Variants in TRAPPC9 observed in about 807,000 individuals in gnomAD.
The protein encoded by TRAPPC9 is IKK2 binding protein.
A neutral mutation model predicts 124.0 loss-of-function variants in TRAPPC9; 83 were observed. That is an observed-to-expected ratio of 0.67 (90% CI 0.56 to 0.80). The LOEUF (loss-of-function observed/expected upper bound fraction) is 0.80. Among genes scored for constraint, TRAPPC9 ranks in the 30% least tolerant of loss-of-function variants. The pLI is 0.00. For synonymous variants in TRAPPC9, 638 were observed against 617.5 expected, an observed-to-expected ratio of 1.03 and a Z score of -0.49; for missense variants, 1,302 against 1,508.3, an observed-to-expected ratio of 0.86 and a Z score of 2.27.
intron 21 of TRAPPC9, among the ~76,000 whole-genome samples, chr8:139,804,716 A>C (rs1823911140): frequency 2.1e-5 from 2 of 94,230 alleles, no homozygotes; most frequent in Admixed American, 1.2e-4. Flanking sequence ...ACCACCCACC[A>C]CCGGCACCAA....
At chr8:140,451,486 G>C in intron 1 of TRAPPC9, 103 bp from the exon 2 acceptor site, 2 of 985,384 alleles carry the variant, frequency 2.0e-6, no homozygotes, top group East Asian at 2.6e-5. Context: ...AGAGGCAGGG[G>C]AAGCCCCAAG....
At chr8:140,001,247 T>C (rs1838378079) in intron 18 of TRAPPC9, among the ~76,000 whole-genome samples, 1 of 151,590 alleles carries the variant, frequency 6.6e-6, no homozygotes, top group Non-Finnish European at 1.5e-5. Flanking sequence ...ACCAGGGGGG[T>C]GAGGGGCTGC....
At chr8:139,918,586 A>G (rs1049310211) in intron 19 of TRAPPC9, among the ~76,000 whole-genome samples, 3 of 152,204 alleles carry the variant, frequency 2.0e-5, no homozygotes, top group Non-Finnish European at 2.9e-5. Flanking sequence ...TTTAGGACTC[A>G]GCCAGACACC....
chr8:139,978,785 G>C (rs1836666607), intron 19 of TRAPPC9, among the ~76,000 whole-genome samples: 1 of 152,240 alleles, frequency 6.6e-6, no homozygotes, highest in South Asian at 2.1e-4. Flanking sequence ...CCTGAGGCGG[G>C]TGTGGCTGGG....
intron 10 of TRAPPC9, among the ~76,000 whole-genome samples, chr8:140,307,568 T>A (rs2066171804): frequency 1.3e-5 from 2 of 152,170 alleles, no homozygotes; most frequent in Non-Finnish European, 2.9e-5. Flanking sequence ...AGATATGGCA[T>A]ACACTGTTGG....
chr8:139,871,030 T>A (rs1041615617), intron 21 of TRAPPC9, among the ~76,000 whole-genome samples: 3 of 152,184 alleles, frequency 2.0e-5, no homozygotes, highest in South Asian at 2.1e-4. Context: ...ATCAGCTTTA[T>A]GATTTTCAAG....
chr8:140,352,594 G>A (rs530352367), intron 9 of TRAPPC9, among the ~76,000 whole-genome samples: 3 of 152,266 alleles, frequency 2.0e-5, no homozygotes, highest in African/African-American at 7.2e-5. Flanking sequence ...AGCATGCACT[G>A]AATCCCCGGT....
chr8:140,093,204 A>G (rs1844687363), intron 17 of TRAPPC9, among the ~76,000 whole-genome samples: 1 of 152,078 alleles, frequency 6.6e-6, no homozygotes, highest in South Asian at 2.1e-4. Context: ...CTTGACAGAG[A>G]TTCATGTTCT....
At chr8:140,183,862 A>G (rs7008566) in intron 17 of TRAPPC9, among the ~76,000 whole-genome samples, 45 of 30,620 alleles carry the variant, frequency 1.5e-3, no homozygotes, top group East Asian at 7.0e-3. Context: ...CAAAAAAAAA[A>G]AAGAAGAAGA....
At chr8:140,194,251 G>C (rs947557734) in intron 17 of TRAPPC9, among the ~76,000 whole-genome samples, 1 of 151,214 alleles carries the variant, frequency 6.6e-6, no homozygotes, top group Admixed American at 6.6e-5. Context: ...TCTCTCCCCA[G>C]CCCGCACCCC....
chr8:140,189,639 G>A (rs2062437037), intron 17 of TRAPPC9, among the ~76,000 whole-genome samples: 1 of 152,100 alleles, frequency 6.6e-6, no homozygotes, highest in Non-Finnish European at 1.5e-5. Flanking sequence ...TCTGGGTAGT[G>A]AGATTTTGGG....
intron 2 of TRAPPC9, among the ~76,000 whole-genome samples, chr8:140,439,527 T>TA (rs1211273539): frequency 2.0e-5 from 3 of 152,226 alleles, no homozygotes; most frequent in Non-Finnish European, 2.9e-5. Context: ...TTCAGCTTTT[T>TA]AAAAAAATCA....
chr8:140,321,334 G>A (rs1396344832), intron 9 of TRAPPC9, among the ~76,000 whole-genome samples: 2 of 152,180 alleles, frequency 1.3e-5, no homozygotes, highest in East Asian at 1.9e-4. Flanking sequence ...GCTCCCCCTC[G>A]CTTGTTCCCA....
chr8:140,025,318 T>A lies in TRAPPC9; in HGVS notation c.2557-1239A>T, dbSNP rs1000502745. Among the ~76,000 whole-genome samples, 4 of 152,316 alleles carry A rather than the reference T, an allele frequency of 2.6e-5. No homozygotes were observed. The East Asian group carries it at 7.7e-4, about 29-fold the overall frequency. On this transcript the variant is annotated intron_variant, in intron 17 of 22. Transcript: ENST00000438773. ...CAAATCTGACCACCGCCTGTTTTTG[T>A]GTGGCCTGAGAGCTAAGAACAGTTT...
At chr8:140,040,974 A>G (rs186600562) in intron 17 of TRAPPC9, 2 of 152,398 alleles carry the variant, frequency 1.3e-5, no homozygotes, top group African/African-American at 2.4e-5. Flanking sequence ...AGGTGGAAAC[A>G]TTTGATGCTG....
Position 139,732,196 on chromosome 8 carries a change from A to T in TRAPPC9, c.3062T>A (p.Leu1021Gln). The change falls in exon 22 of 23, where the codon CTG becomes CAG. Residue 1021 changes from leucine (L) to glutamine (Q), a missense_variant. Physicochemically the swap from Leu to Gln is moderately radical, Grantham distance 113. Coordinates refer to ENST00000438773, the MANE Select transcript of TRAPPC9 (RefSeq NM_001160372.4). ...GCGGTCACATGGCTGTCCGTCCACC[A>T]GCACATCTGTAAGGGACACGAGACT... ...LQLAPLQWDV[L>Q]VDGQPCDREA... 6.3e-7 allele frequency: 1 copy of T among 1,589,702 alleles called. No homozygotes were observed. The highest frequency in any genetic ancestry group is 8.5e-7 in the Non-Finnish European group (1 of 1,174,182).
At chr8:140,297,718 G>A (rs542418097) in intron 11 of TRAPPC9, among the ~76,000 whole-genome samples, 34 of 152,334 alleles carry the variant, frequency 2.2e-4, no homozygotes, top group African/African-American at 7.9e-4. Context: ...TTAGCCCAGT[G>A]TTTATTGTTC....
chr8:140,033,676 T>G (rs1462191219), intron 17 of TRAPPC9, among the ~76,000 whole-genome samples: 6 of 105,766 alleles, frequency 5.7e-5, no homozygotes, highest in Non-Finnish European at 9.2e-5. Context: ...TTTTTTTTTT[T>G]TTTTTTTTTT....
chr8:140,245,012 G>A (rs556612539), intron 16 of TRAPPC9, among the ~76,000 whole-genome samples: 33 of 151,802 alleles, frequency 2.2e-4, no homozygotes, highest in Non-Finnish European at 3.5e-4. Context: ...CACCATGTTG[G>A]CCAGGATGGT....
Sources: allele counts gnomAD v4.1 joint callset (sites outside exome capture counted in the v4.1 genomes callset), GRCh38; gene constraint gnomAD v4.1.1; transcripts MANE v1.5; gene names NCBI Gene and HGNC (gene_info 2026-07-23, HGNC 2026-07-21).